HADH: variants seen among roughly 807,000 people sequenced by gnomAD.
The protein encoded by HADH is hydroxyacyl-coenzyme A dehydrogenase, mitochondrial.
HADH carries 24 observed loss-of-function variants against 32.2 expected under a neutral mutation model. That is an observed-to-expected ratio of 0.75 (90% CI 0.54 to 1.05). HADH has a LOEUF of 1.05. Among genes scored for constraint, HADH ranks in the 50% least tolerant of loss-of-function variants. HADH has a pLI of 0.00. For missense variants in HADH, 350 were observed against 397.1 expected, an observed-to-expected ratio of 0.88 and a Z score of 1.01; for synonymous variants, 139 against 152.5, an observed-to-expected ratio of 0.91 and a Z score of 0.65.
intron 6 of HADH, 46 bp from the exon 7 acceptor site, chr4:108,033,130 T>C: frequency 2.2e-6 from 2 of 903,712 alleles, no homozygotes; most frequent in Non-Finnish European, 1.9e-6. Flanking sequence ...ATAGGGAGAA[T>C]TCAAGGAAAG....
At chr4:108,026,035 T>G (rs957856741) in intron 5 of HADH, 4 of 152,088 alleles carry the variant, frequency 2.6e-5, no homozygotes, top group Admixed American at 2.0e-4. Flanking sequence ...ACTAGTGAGT[T>G]TATTTATTTA....
Position 108,034,316 on chromosome 4 carries a change from T to G in HADH, c.904T>G (p.Phe302Val). Residue 302 changes from phenylalanine to valine, a missense_variant, in exon 8 of 8, where the codon TTC becomes GTC. Coordinates refer to ENST00000309522, the MANE Select transcript of HADH (RefSeq NM_005327.7). Reference sequence around the variant, plus strand: ...AAATAAGCTGGTAGCAGAGAACAAGTTCGGCAAGAAGACTGGAGAAGGATT... The same window carrying G: ...AAATAAGCTGGTAGCAGAGAACAAGGTCGGCAAGAAGACTGGAGAAGGATT... ...SLNKLVAENK[F>V]GKKTGEGFYK... 1 of 1,612,990 alleles carries G rather than the reference T, an allele frequency of 6.2e-7. No individual in the cohort carries two copies.
chr4:108,003,194 G>A lies in HADH; in HGVS notation c.133-6565G>A, dbSNP rs1315507165. Among the ~76,000 whole-genome samples the A allele has an allele frequency of 2.0e-5, 3 of 147,832 alleles. No individual in the cohort carries two copies. In the East Asian group the frequency reaches 6.0e-4, roughly 30 times the overall value. On this transcript the variant is annotated intron_variant, in intron 1 of 7. Transcript: ENST00000309522. ...CAGAAATTTATTTTCTCATAGTTCT[G>A]GAGGCTGGGAAGTCCAAGATCAAGG...
intron 1 of HADH, among the ~76,000 whole-genome samples, chr4:107,996,048 C>T (rs991538267): frequency 6.6e-6 from 1 of 152,168 alleles, no homozygotes; most frequent in African/African-American, 2.4e-5. Context: ...GTTGTTCTTC[C>T]AGCCACATGT....
chr4:108,019,704 G>T (rs371364058), intron 4 of HADH, 38 bp downstream of exon 4: 298 of 1,612,348 alleles, frequency 1.8e-4, no homozygotes, highest in Non-Finnish European at 2.4e-4. Context: ...TGCCCGCTCT[G>T]CCAGCTCTCT....
chr4:107,997,839 T>C lies in HADH; in HGVS notation c.132+7775T>C, dbSNP rs570016048. 9.2e-5 allele frequency among the ~76,000 whole-genome samples: 14 copies of C among 152,280 alleles called. No individual in the cohort carries two copies. The South Asian group carries it at 2.9e-3, about 32-fold the overall frequency. The stretch of plus-strand genomic sequence containing the variant: ...TATGAAAGGAGAAGAAGAAGGCCTT[T>C]CTTTTTTTGCAGTTCATTTCTCCAC... On this transcript the variant is annotated intron_variant, in intron 1 of 7. Coordinates refer to ENST00000309522, the MANE Select transcript of HADH (RefSeq NM_005327.7).
Position 108,034,391 on chromosome 4 carries a change from G to C in HADH, c.*34G>C, listed in dbSNP as rs1736386757. The C allele has an allele frequency of 2.3e-6, 3 of 1,283,554 alleles. No homozygotes were observed. Among genetic ancestry groups the C allele is most frequent in the Admixed American group, 1.7e-5 (1 of 59,560 alleles). The allele number at this position is 1,283,554 out of a possible 1,614,324, so 79.5% of individuals were successfully genotyped here. A position where few individuals can be genotyped will look rare whatever the true frequency, so the allele number is the denominator to read the frequency against. On this transcript the variant is annotated 3_prime_UTR_variant, in exon 8 of 8. Transcript: ENST00000309522. The stretch of plus-strand genomic sequence containing the variant: ...TTCTCCGGCTCTGAGAAGAACACCT[G>C]AGAGCGCTTTCCAGCCAGTGCCCCG...
chr4:108,022,034 G>A (rs1180830388), intron 4 of HADH, among the ~76,000 whole-genome samples: 1 of 152,090 alleles, frequency 6.6e-6, no homozygotes, highest in Non-Finnish European at 1.5e-5. Flanking sequence ...TCTTGCACAG[G>A]GAAGACATGC....
chr4:108,025,580 A>G (rs1560737192), intron 5 of HADH: 1 of 152,210 alleles, frequency 6.6e-6, no homozygotes, highest in Non-Finnish European at 1.5e-5. Context: ...ATAAAATAAA[A>G]TTACTTTATT....
chr4:108,021,029 T>C (rs538626208), intron 4 of HADH, among the ~76,000 whole-genome samples: 1 of 152,324 alleles, frequency 6.6e-6, no homozygotes, highest in African/African-American at 2.4e-5. Context: ...CTAACATTGC[T>C]TCTCAGCTTC....
intron 1 of HADH, among the ~76,000 whole-genome samples, chr4:108,003,824 AAAC>A (rs1414721314): frequency 1.5e-4 from 18 of 121,960 alleles, no homozygotes; most frequent in East Asian, 4.9e-4. Context: ...AAAAAAAAAA[AAAC>A]AAAAAAAAAA....
At chr4:108,026,785 A>G (rs1736082591) in intron 5 of HADH, 1 of 152,280 alleles carries the variant, frequency 6.6e-6, no homozygotes, top group Non-Finnish European at 1.5e-5. Flanking sequence ...GCCCTCAGGA[A>G]GATCACAGCC....
At chr4:108,028,036 A>G in intron 6 of HADH, 2 of 530,482 alleles carry the variant, frequency 3.8e-6, no homozygotes, top group South Asian at 5.2e-5. Flanking sequence ...GCCGGCCCAG[A>G]TTGATATCCT....
At position 108,014,602 on chromosome 4, in the gene HADH, G is replaced by T; in HGVS notation, c.419+14G>T. The T allele has an allele frequency of 6.3e-7, 1 of 1,599,600 alleles. No homozygotes were observed. Among genetic ancestry groups the T allele is most frequent in the Non-Finnish European group, 8.6e-7 (1 of 1,169,112 alleles). The stretch of plus-strand genomic sequence containing the variant: ...GTTTGCTGCTGAGTATGTAACCTCT[G>T]GACAATCTTCTTTTTTTTTTTTTTT... On this transcript the variant is annotated intron_variant, in intron 3 of 7. Transcript: ENST00000309522.
intron 3 of HADH, among the ~76,000 whole-genome samples, chr4:108,016,548 A>T (rs1735701425): frequency 1.3e-5 from 2 of 152,214 alleles, no homozygotes; most frequent in Non-Finnish European, 2.9e-5. Flanking sequence ...CTGGGATAAT[A>T]AACAGCCACC....
At chr4:108,015,618 T>C (rs1735666671) in intron 3 of HADH, among the ~76,000 whole-genome samples, 1 of 152,124 alleles carries the variant, frequency 6.6e-6, no homozygotes, top group South Asian at 2.1e-4. Flanking sequence ...TTTCCGTTGT[T>C]CTCCATCCTC....
intron 6 of HADH, chr4:108,028,816 G>C: frequency 2.5e-6 from 1 of 397,956 alleles, no homozygotes; most frequent in Non-Finnish European, 4.4e-6. Flanking sequence ...CCTTTTAATG[G>C]TGTTTTCCTC....
At position 108,032,208 on chromosome 4, in the gene HADH, C is replaced by G; in HGVS notation, c.710-968C>G. On this transcript the variant is annotated intron_variant, in intron 6 of 7. Transcript: ENST00000309522. The stretch of plus-strand genomic sequence containing the variant: ...TAGCCACCTGTTGCAGACTATTCTA[C>G]TTTTCTGATTTCAAAGAAAGGGAAC... 3 of 609,470 alleles carry G rather than the reference C, an allele frequency of 4.9e-6. No homozygotes were observed. The East Asian group carries it at 7.6e-5, about 16-fold the overall frequency. The allele number at this position is 609,470 out of a possible 1,614,324, so 37.8% of individuals were successfully genotyped here. A position where few individuals can be genotyped will look rare whatever the true frequency, so the allele number is the denominator to read the frequency against.
intron 1 of HADH, among the ~76,000 whole-genome samples, chr4:107,998,175 G>A (rs1735011667): frequency 6.6e-6 from 1 of 152,208 alleles, no homozygotes; most frequent in Non-Finnish European, 1.5e-5. Flanking sequence ...AACACAGTTT[G>A]GTAGGTGCTG....
Sources: gnomAD v4.1 joint callset for allele counts (sites outside exome capture counted in the v4.1 genomes callset) on GRCh38, gnomAD v4.1.1 for gene constraint, MANE v1.5 for transcripts, NCBI Gene and HGNC (gene_info 2026-07-23, HGNC 2026-07-21) for gene names.